PIBF1: variants seen among roughly 807,000 people sequenced by gnomAD.
PIBF1 encodes progesterone immunomodulatory binding factor 1, also known as progesterone-induced-blocking factor 1.
In PIBF1, 90 loss-of-function variants were observed where a neutral mutation model predicts 112.5. The observed-to-expected ratio is 0.80, with a 90% CI of 0.67 to 0.95. The LOEUF is 0.95. Ranked by LOEUF, PIBF1 falls within the 40% of genes least tolerant of loss-of-function variation. PIBF1 has a pLI of 0.00. For synonymous variants in PIBF1, 301 were observed against 288.6 expected, an observed-to-expected ratio of 1.04 and a Z score of -0.44; for missense variants, 915 against 852.3, an observed-to-expected ratio of 1.07 and a Z score of -0.92.
rs114805748 is a variant in PIBF1 at position 72,834,525 on chromosome 13, G to A, written c.1098-718G>A. Among the ~76,000 whole-genome samples the A allele has an allele frequency of 4.5e-3, 686 of 152,280 alleles. 7 individuals carry two copies. Among genetic ancestry groups the A allele is most frequent in the African/African-American group, 0.015 (640 of 41,556 alleles). On this transcript the variant is annotated intron_variant, in intron 8 of 17. Coordinates refer to ENST00000326291, the MANE Select transcript of PIBF1 (RefSeq NM_006346.4). The stretch of plus-strand genomic sequence containing the variant: ...ACATGTAGTCCTGCCTACTCAGGAG[G>A]CTGGGGCAGGAAGATGGCTTGAGCC...
intron 14 of PIBF1, among the ~76,000 whole-genome samples, chr13:72,950,242 C>T (rs2042260475): frequency 6.6e-6 from 1 of 152,162 alleles, no homozygotes; most frequent in Admixed American, 6.5e-5. Context: ...ATTTATAATA[C>T]AGCTATATGG....
chr13:72,938,488 T>G (rs1223315376), intron 14 of PIBF1, among the ~76,000 whole-genome samples: 1 of 152,188 alleles, frequency 6.6e-6, no homozygotes, highest in East Asian at 1.9e-4. Flanking sequence ...CTCCTTTCAC[T>G]TAGCATAATG....
chr13:72,867,130 C>G (rs1289610775), intron 10 of PIBF1, among the ~76,000 whole-genome samples: 2 of 152,126 alleles, frequency 1.3e-5, no homozygotes, highest in African/African-American at 4.8e-5. Context: ...ATAATTGAAT[C>G]ACGGGGGCAG....
intron 11 of PIBF1, among the ~76,000 whole-genome samples, chr13:72,896,934 G>A (rs1380914820): frequency 1.3e-5 from 2 of 152,150 alleles, no homozygotes; most frequent in Non-Finnish European, 2.9e-5. Flanking sequence ...ATCCAAATAC[G>A]AGAAGCACCA....
At chr13:72,855,229 A>G (rs2038362066) in intron 10 of PIBF1, among the ~76,000 whole-genome samples, 1 of 152,216 alleles carries the variant, frequency 6.6e-6, no homozygotes, top group African/African-American at 2.4e-5. Flanking sequence ...AAGTCTTCAT[A>G]TAATTAACCT....
intron 5 of PIBF1, among the ~76,000 whole-genome samples, chr13:72,811,234 T>A (rs2035995272): frequency 6.6e-6 from 1 of 152,226 alleles, no homozygotes; most frequent in African/African-American, 2.4e-5. Flanking sequence ...AAATCATTTT[T>A]TAAGCTATTT....
intron 14 of PIBF1, 129 bp from the exon 15 acceptor site, chr13:72,965,143 TAC>T: frequency 1.3e-6 from 1 of 768,696 alleles, no homozygotes; most frequent in African/African-American, 1.8e-5. Context: ...CCTTCAAATT[TAC>T]ACAGGAAAAG....
intron 10 of PIBF1, among the ~76,000 whole-genome samples, chr13:72,863,966 C>T (rs900758348): frequency 6.6e-6 from 1 of 152,128 alleles, no homozygotes; most frequent in Non-Finnish European, 1.5e-5. Context: ...TGTATACTGT[C>T]TAGATAAAGT....
intron 2 of PIBF1, among the ~76,000 whole-genome samples, chr13:72,786,221 T>C (rs1389933532): frequency 1.3e-5 from 2 of 152,198 alleles, no homozygotes; most frequent in African/African-American, 4.8e-5. Context: ...TCCATGGTGC[T>C]TAGTGTAGTT....
At chr13:73,014,119 G>A (rs771524960) in intron 17 of PIBF1, among the ~76,000 whole-genome samples, 4 of 141,426 alleles carry the variant, frequency 2.8e-5, no homozygotes, top group South Asian at 2.3e-4. Context: ...GACTACAGGC[G>A]CATGCCACCA....
chr13:72,834,567 C>A (rs934145138), intron 8 of PIBF1, among the ~76,000 whole-genome samples: 1 of 152,080 alleles, frequency 6.6e-6, no homozygotes, highest in African/African-American at 2.4e-5. Flanking sequence ...TTCGGGGTTA[C>A]ATGATTGTGC....
intron 8 of PIBF1, among the ~76,000 whole-genome samples, chr13:72,829,650 G>A (rs1378202517): frequency 6.6e-6 from 1 of 152,072 alleles, no homozygotes; most frequent in African/African-American, 2.4e-5. Context: ...ATCTGTTTTG[G>A]TACCAGTACT....
chr13:72,848,312 A>G (rs1008421830), intron 9 of PIBF1, among the ~76,000 whole-genome samples: 1 of 152,148 alleles, frequency 6.6e-6, no homozygotes, highest in African/African-American at 2.4e-5. Context: ...ATAAATGTAG[A>G]TTCAGCCTAT....
At position 72,880,191 on chromosome 13, in the gene PIBF1, C is replaced by T. The variant is rs980557755; in HGVS notation, c.1323-13593C>T. ...AGGGTAGGAAAATTATGACTTTGAA[C>T]GGGTAACTCTGTTTCTTGGTAAGGA... On this transcript the variant is annotated intron_variant, in intron 10 of 17. Coordinates refer to ENST00000326291, the MANE Select transcript of PIBF1 (RefSeq NM_006346.4). 3.9e-5 allele frequency among the ~76,000 whole-genome samples: 6 copies of T among 152,258 alleles called. No individual in the cohort carries two copies. The South Asian group carries it at 6.2e-4, about 16-fold the overall frequency.
chr13:72,797,286 T>C (rs1410437062), intron 4 of PIBF1, among the ~76,000 whole-genome samples: 3 of 152,182 alleles, frequency 2.0e-5, no homozygotes, highest in East Asian at 3.8e-4. Context: ...TATTTAGGCA[T>C]TGGAAATACA....
intron 10 of PIBF1, among the ~76,000 whole-genome samples, chr13:72,858,037 G>T (rs941100026): frequency 9.3e-5 from 14 of 151,094 alleles, no homozygotes; most frequent in African/African-American, 3.2e-4. Context: ...GTGTGTGTGT[G>T]TGTGTGTGTG....
In PIBF1 at chr13:72,795,306, A is replaced by G. The variant is rs1438795785; in HGVS notation, c.354-53A>G. The stretch of plus-strand genomic sequence containing the variant: ...GATATAAATAGGAAACTGTGAGAAA[A>G]TTAGATCTCAAATACTTTTTTAAAG... On this transcript the variant is annotated intron_variant, in intron 3 of 17. Transcript: ENST00000326291. 17 of 1,125,562 alleles carry G rather than the reference A, an allele frequency of 1.5e-5. No individual in the cohort carries two copies. In the East Asian group the frequency reaches 4.0e-4, roughly 27 times the overall value. 69.7% of individuals were successfully genotyped at this position (1,125,562 alleles called of 1,614,324 possible). A position where few individuals can be genotyped will look rare whatever the true frequency, so the allele number is the denominator to read the frequency against.
intron 4 of PIBF1, among the ~76,000 whole-genome samples, chr13:72,797,073 A>G (rs1281515946): frequency 1.3e-5 from 2 of 152,158 alleles, no homozygotes; most frequent in African/African-American, 4.8e-5. Context: ...GAGCTAGGGT[A>G]GGAAAATTTC....
At chr13:72,977,740 C>A (rs760561919) in intron 16 of PIBF1, among the ~76,000 whole-genome samples, 8 of 152,136 alleles carry the variant, frequency 5.3e-5, no homozygotes, top group Non-Finnish European at 1.0e-4. Flanking sequence ...AAAGTATCTT[C>A]TCTCATGTTA....
Sources: gnomAD v4.1 joint callset for allele counts (sites outside exome capture counted in the v4.1 genomes callset) on GRCh38, gnomAD v4.1.1 for gene constraint, MANE v1.5 for transcripts, NCBI Gene and HGNC (gene_info 2026-07-23, HGNC 2026-07-21) for gene names.